CELA1: variants seen among roughly 807,000 people sequenced by gnomAD.
CELA1 encodes the protein chymotrypsin-like elastase family member 1.
A neutral mutation model predicts 34.8 loss-of-function variants in CELA1; 28 were observed. The ratio of observed to expected loss-of-function variants is 0.80; its 90% CI spans 0.60 to 1.10. The LOEUF is 1.10. Ranked by LOEUF, CELA1 falls within the 50% of genes least tolerant of loss-of-function variation. CELA1 has a pLI of 0.00. For missense variants in CELA1, 288 were observed against 327.5 expected (o/e 0.88, Z 0.93); for synonymous variants, 140 against 129.8 (o/e 1.08, Z -0.53).
chr12:51,336,798 T>TGGCTGTTGTTCCAGATCCTC (rs1662235124), intron 6 of CELA1, among the ~76,000 whole-genome samples: 2 of 152,224 alleles, frequency 1.3e-5, no homozygotes, highest in Non-Finnish European at 2.9e-5. Context: ...ACCAGATGCT[T>TGGCTGTTGTTCCAGATCCTC]GGCTGTTGTT....
At chr12:51,345,729 G>A in intron 2 of CELA1, 66 bp downstream of exon 2, 1 of 1,115,700 alleles carries the variant, frequency 9.0e-7, no homozygotes, top group Middle Eastern at 2.0e-4. Flanking sequence ...AAATACACAT[G>A]ATACCTTATG....
chr12:51,342,517 G>C, intron 4 of CELA1, 58 bp downstream of exon 4: 1 of 1,611,532 alleles, frequency 6.2e-7, no homozygotes, highest in Non-Finnish European at 8.5e-7. Flanking sequence ...AAGGCAGCCA[G>C]TTGTTGGCTA....
intron 6 of CELA1, among the ~76,000 whole-genome samples, chr12:51,338,850 G>A (rs1035005487): frequency 2.6e-5 from 4 of 152,046 alleles, no homozygotes; most frequent in African/African-American, 4.8e-5. Flanking sequence ...GGTGGCTCAC[G>A]CCTGTATTCC....
intron 6 of CELA1, among the ~76,000 whole-genome samples, chr12:51,337,539 CAAAAAAAAAAAA>C (rs33950532): frequency 4.3e-5 from 3 of 69,358 alleles, no homozygotes; most frequent in African/African-American, 6.4e-5. Flanking sequence ...CTTATCTCTT[CAAAAAAAAAAAA>C]AAAAAAAAAA....
rs1215614645 is a variant in CELA1 at position 51,338,770 on chromosome 12, A to C, written c.609+1090T>G. Among the ~76,000 whole-genome samples the C allele has an allele frequency of 3.3e-5, 5 of 152,312 alleles. No homozygotes were observed. The East Asian group carries it at 5.8e-4, about 18-fold the overall frequency. On this transcript the variant is annotated intron_variant, in intron 6 of 7. Coordinates refer to ENST00000293636, the MANE Select transcript of CELA1 (RefSeq NM_001971.6). ...TCTTTGTAACCTTAGCACTTAGCAC[A>C]ATGCCTGGCATATAGTAGATATATA...
At chr12:51,342,723 T>G (rs1565702188) in intron 3 of CELA1, 23 bp from the exon 4 acceptor site, 1 of 1,613,868 alleles carries the variant, frequency 6.2e-7, no homozygotes, top group South Asian at 1.1e-5. Flanking sequence ...AAGGAATCCC[T>G]GAGTCATCCA....
intron 6 of CELA1, among the ~76,000 whole-genome samples, chr12:51,332,235 A>C (rs1365826260): frequency 4.6e-5 from 7 of 152,080 alleles, no homozygotes; most frequent in Admixed American, 4.6e-4. Flanking sequence ...TAAACCTAGA[A>C]TATATTACAT....
chr12:51,329,567 TGAATGTGGTAAGGAAGATGA>T, intron 7 of CELA1, 97 bp downstream of exon 7: 2 of 1,099,746 alleles, frequency 1.8e-6, no homozygotes, highest in Non-Finnish European at 2.6e-6. Flanking sequence ...AGTAAACACA[TGAATGTGGTAAGGAAGATGA>T]CGGCTTGCCC....
At position 51,341,264 on chromosome 12, in the gene CELA1, G is replaced by A. The variant is rs762034870; in HGVS notation, c.443C>T (p.Thr148Ile). 1 of 1,614,146 alleles carries A rather than the reference G, an allele frequency of 6.2e-7. No homozygotes were observed. The highest frequency in any genetic ancestry group is 8.5e-7 in the Non-Finnish European group (1 of 1,180,004). Residue 148 changes from threonine to isoleucine, a missense_variant, in exon 5 of 8, where the codon ACA becomes ATA. Coordinates refer to ENST00000293636, the MANE Select transcript of CELA1 (RefSeq NM_001971.6). ...CTTACTCTTGGTCTTGCCCCAGCCT[G>A]TGATGTAGCAGGGACTGTTGTTAGC... ...ILANNSPCYI[T>I]GWGKTKTNGQ...
intron 6 of CELA1, among the ~76,000 whole-genome samples, chr12:51,333,876 T>C (rs1303838215): frequency 1.3e-5 from 2 of 152,236 alleles, no homozygotes; most frequent in East Asian, 1.9e-4. Flanking sequence ...TATAATACTA[T>C]TGTCTTGTGC....
chr12:51,328,617 C>T (rs1445824406), intron 7 of CELA1, 23 bp from the exon 8 acceptor site: 1 of 1,611,528 alleles, frequency 6.2e-7, no homozygotes. Flanking sequence ...CAGTTATGTC[C>T]ACAGTCAGTA....
At chr12:51,333,648 C>T (rs1467673100) in intron 6 of CELA1, among the ~76,000 whole-genome samples, 1 of 152,146 alleles carries the variant, frequency 6.6e-6, no homozygotes, top group Non-Finnish European at 1.5e-5. Context: ...CCACCTCAGC[C>T]TCCCAAAGTG....
chr12:51,328,580 G>C lies in CELA1; in HGVS notation c.774C>G (p.Asn258Lys). Reference sequence around the variant, plus strand: ...GTCGTTGGACTCAGGAAAATGTTCAGTTGGAGGCGATGACCTGAAGGAAAG... The same window carrying C: ...GTCGTTGGACTCAGGAAAATGTTCACTTGGAGGCGATGACCTGAAGGAAAG... The part of the protein sequence containing the change: ...ISWINNVIAS[N>K] The change falls in exon 8 of 8, where the codon AAC becomes AAG. Residue 258 changes from asparagine to lysine, a missense_variant. Coordinates refer to ENST00000293636, the MANE Select transcript of CELA1 (RefSeq NM_001971.6). 6.2e-7 allele frequency: 1 copy of C among 1,614,162 alleles called. No homozygotes were observed. The highest frequency in any genetic ancestry group is 1.1e-5 in the South Asian group (1 of 91,082).
At chr12:51,332,749 TC>T (rs371712711) in intron 6 of CELA1, among the ~76,000 whole-genome samples, 67 of 152,074 alleles carry the variant, frequency 4.4e-4, no homozygotes, top group African/African-American at 1.5e-3. Context: ...ATGCCTGTCA[TC>T]CCAGCTACTG....
At chr12:51,329,857 C>G in intron 6 of CELA1, 24 bp from the exon 7 acceptor site, 1 of 1,578,874 alleles carries the variant, frequency 6.3e-7, no homozygotes, top group Non-Finnish European at 8.6e-7. Flanking sequence ...AAACAGAATC[C>G]TAAAACTCCA....
chr12:51,344,209 A>C (rs1946553509), intron 2 of CELA1, among the ~76,000 whole-genome samples: 1 of 152,170 alleles, frequency 6.6e-6, no homozygotes. Context: ...GGCATTGATA[A>C]GGGGTGTGTA....
At chr12:51,346,094 T>C (rs1294069042) in intron 1 of CELA1, among the ~76,000 whole-genome samples, 1 of 151,900 alleles carries the variant, frequency 6.6e-6, no homozygotes, top group Non-Finnish European at 1.5e-5. Context: ...TTCCCAGAAC[T>C]CCGGCATGCT....
chr12:51,328,674 T>C, intron 7 of CELA1, 80 bp from the exon 8 acceptor site: 1 of 1,511,834 alleles, frequency 6.6e-7, no homozygotes, highest in Non-Finnish European at 9.2e-7. Flanking sequence ...CCCAGTTAAG[T>C]ATGGTTTTGT....
At chr12:51,334,709 C>T (rs1946491365) in intron 6 of CELA1, among the ~76,000 whole-genome samples, 1 of 152,254 alleles carries the variant, frequency 6.6e-6, no homozygotes, top group South Asian at 2.1e-4. Flanking sequence ...GCTGGGATTA[C>T]AGGCATGAGC....
Sources: allele counts gnomAD v4.1 joint callset (sites outside exome capture counted in the v4.1 genomes callset), GRCh38; gene constraint gnomAD v4.1.1; transcripts MANE v1.5; gene names NCBI Gene and HGNC (gene_info 2026-07-23, HGNC 2026-07-21).